Variants in NAV2 observed in about 807,000 individuals in gnomAD.
NAV2 encodes helicase, APC down-regulated 1.
Under a neutral mutation model 223.2 loss-of-function variants are expected in NAV2, and 54 were observed. That is an observed-to-expected ratio of 0.24 (90% confidence interval 0.19 to 0.30). The LOEUF (loss-of-function observed/expected upper bound fraction) is 0.30, where lower values mean the gene tolerates loss of function less well. Among genes scored for constraint, NAV2 ranks in the 10% least tolerant of loss-of-function variants. The pLI is 1.00. For missense variants in NAV2, 2,806 were observed against 3,147.5 expected (o/e 0.89, Z 2.60); for synonymous variants, 1,279 against 1,239.3 (o/e 1.03, Z -0.67).
chr11:19,814,329 G>A (rs78791659), intron 1 of NAV2, among the ~76,000 whole-genome samples: 113 of 152,244 alleles, frequency 7.4e-4, no homozygotes, highest in African/African-American at 2.6e-3. Flanking sequence ...GAAACTGGAA[G>A]CAATTTCCTG....
chr11:19,556,505 C>T (rs1397103287), intron 1 of NAV2, among the ~76,000 whole-genome samples: 2 of 152,210 alleles, frequency 1.3e-5, no homozygotes, highest in Non-Finnish European at 2.9e-5. Flanking sequence ...GTGCCACAGA[C>T]ACCTTTGGCA....
chr11:19,790,587 G>T (rs1296771277), intron 1 of NAV2, among the ~76,000 whole-genome samples: 1 of 152,220 alleles, frequency 6.6e-6, no homozygotes, highest in Non-Finnish European at 1.5e-5. Context: ...TGTGACCCAG[G>T]ACAAGTTATT....
At chr11:19,650,144 G>C (rs1242591385) in intron 1 of NAV2, among the ~76,000 whole-genome samples, 1 of 152,164 alleles carries the variant, frequency 6.6e-6, no homozygotes, top group Non-Finnish European at 1.5e-5. Flanking sequence ...TTGGATACAA[G>C]GTCTTTTCAG....
At chr11:19,679,312 T>C (rs910927941) in intron 1 of NAV2, among the ~76,000 whole-genome samples, 25 of 152,088 alleles carry the variant, frequency 1.6e-4, no homozygotes, top group Admixed American at 1.6e-3. Flanking sequence ...ATGCCTGTAG[T>C]CTCAGCTACT....
chr11:19,735,791 G>A (rs969150665), intron 1 of NAV2, among the ~76,000 whole-genome samples: 1 of 152,190 alleles, frequency 6.6e-6, no homozygotes, highest in African/African-American at 2.4e-5. Context: ...CTGTTTCAGG[G>A]TAAAATGCAG....
intron 1 of NAV2, among the ~76,000 whole-genome samples, chr11:19,499,139 C>T (rs1440722778): frequency 6.6e-6 from 1 of 152,210 alleles, no homozygotes; most frequent in Non-Finnish European, 1.5e-5. Flanking sequence ...GGCACAGCTG[C>T]CTTTGCCACC....
At chr11:20,061,368 G>A (rs367985473) in intron 19 of NAV2, among the ~76,000 whole-genome samples, 7 of 93,636 alleles carry the variant, frequency 7.5e-5, no homozygotes, top group South Asian at 6.8e-4. Context: ...CTGGGAGTTC[G>A]AGAGCAGCCT....
intron 6 of NAV2, among the ~76,000 whole-genome samples, chr11:19,894,343 A>G (rs539372180): frequency 6.6e-6 from 1 of 152,306 alleles, no homozygotes; most frequent in African/African-American, 2.4e-5. Context: ...AGGAGGAGAA[A>G]GTTGGGAAGG....
At chr11:19,447,572 C>T (rs7120810) in intron 1 of NAV2, among the ~76,000 whole-genome samples, 4,360 of 152,330 alleles carry the variant, frequency 0.029, 79 homozygotes, top group Middle Eastern at 0.051. Flanking sequence ...CCTTAGCTCA[C>T]GGTCTAGCAT....
chr11:19,980,507 C>G (rs572960770), intron 10 of NAV2, among the ~76,000 whole-genome samples: 2 of 152,186 alleles, frequency 1.3e-5, no homozygotes, highest in Non-Finnish European at 2.9e-5. Context: ...CAGTGTGAGC[C>G]TCTTATAAAA....
intron 1 of NAV2, among the ~76,000 whole-genome samples, chr11:19,611,762 G>C (rs2046652417): frequency 6.6e-6 from 1 of 152,212 alleles, no homozygotes; most frequent in Non-Finnish European, 1.5e-5. Flanking sequence ...TTCACAGGCT[G>C]ACGTTGAGTG....
chr11:19,737,244 T>C (rs2052402422), intron 1 of NAV2, among the ~76,000 whole-genome samples: 1 of 152,146 alleles, frequency 6.6e-6, no homozygotes, highest in African/African-American at 2.4e-5. Flanking sequence ...ACTTAGAGAA[T>C]TTCAAAGAGA....
Position 19,713,340 on chromosome 11 carries a change from T to C in NAV2, c.-356T>C. ...CTTCGGAGATGCAGTGACAAGTTAA[T>C]ATGGGCGTCCAAGCCTCTGTTTCCC... On this transcript the variant is annotated 5_prime_UTR_variant, in exon 1 of 38. Coordinates refer to ENST00000349880, the MANE Select transcript of NAV2 (RefSeq NM_145117.5). This position sits in a 1 kb window ranked among gnomAD's most constrained non-coding sequence, Gnocchi z 7.2. 1.8e-6 allele frequency: 2 copies of C among 1,108,976 alleles called. No homozygotes were observed. Among genetic ancestry groups the C allele is most frequent in the Non-Finnish European group, 2.2e-6 (2 of 910,820 alleles). The allele number at this position is 1,108,976 out of a possible 1,614,324, so 68.7% of individuals were successfully genotyped here. A position where few individuals can be genotyped will look rare whatever the true frequency, so the allele number is the denominator to read the frequency against.
At chr11:19,783,831 A>G (rs1392172735) in intron 1 of NAV2, among the ~76,000 whole-genome samples, 1 of 152,212 alleles carries the variant, frequency 6.6e-6, no homozygotes, top group African/African-American at 2.4e-5. Context: ...GTAAATGCTC[A>G]ATAAATGTTA....
chr11:19,655,366 A>G (rs960355474), intron 1 of NAV2, among the ~76,000 whole-genome samples: 1 of 152,304 alleles, frequency 6.6e-6, no homozygotes, highest in African/African-American at 2.4e-5. Context: ...TAGAAATACC[A>G]TTTGACCCAG....
chr11:19,965,542 G>T (rs1318555494), intron 10 of NAV2, among the ~76,000 whole-genome samples: 1 of 152,148 alleles, frequency 6.6e-6, no homozygotes, highest in Non-Finnish European at 1.5e-5. Context: ...TCACCCAGAT[G>T]ATGACAATTC....
intron 11 of NAV2, among the ~76,000 whole-genome samples, chr11:19,991,809 G>T (rs187320147): frequency 6.6e-6 from 1 of 151,988 alleles, no homozygotes; most frequent in Non-Finnish European, 1.5e-5. Context: ...GACTTCTCTC[G>T]TATTATTTTG....
intron 1 of NAV2, among the ~76,000 whole-genome samples, chr11:19,400,054 T>C (rs1188741131): frequency 3.3e-5 from 5 of 152,186 alleles, no homozygotes; most frequent in Non-Finnish European, 7.3e-5. Context: ...GCAGTTACTA[T>C]AAAGAGCAGA....
chr11:19,986,791 C>G (rs997336932), intron 11 of NAV2, among the ~76,000 whole-genome samples: 3 of 152,200 alleles, frequency 2.0e-5, no homozygotes, highest in Non-Finnish European at 4.4e-5. Context: ...CTAGAATATG[C>G]TAAATTTTTA....
Sources: gnomAD v4.1 joint callset for allele counts (sites outside exome capture counted in the v4.1 genomes callset) on GRCh38, gnomAD v4.1.1 for gene constraint, Gnocchi (gnomAD v3.1) non-coding constraint, MANE v1.5 for transcripts, NCBI Gene and HGNC (gene_info 2026-07-23, HGNC 2026-07-21) for gene names.